KATNAL2: variants seen among roughly 807,000 people sequenced by gnomAD.
The protein encoded by KATNAL2 is katanin catalytic subunit A1 like 2, also known as katanin p60 ATPase-containing subunit A-like 2.
In KATNAL2, 52 loss-of-function variants were observed where a neutral mutation model predicts 76.3. The observed-to-expected ratio is 0.68, with a 90% confidence interval of 0.55 to 0.86. KATNAL2 has a LOEUF of 0.86. Ranked by LOEUF, KATNAL2 falls within the 40% of genes least tolerant of loss-of-function variation. The pLI, the probability that KATNAL2 is intolerant of heterozygous loss-of-function variation, is 0.00. For missense variants in KATNAL2, 660 were observed against 668.9 expected (o/e 0.99, Z 0.15); for synonymous variants, 243 against 244.2 (o/e 1.00, Z 0.05).
intron 3 of KATNAL2, among the ~76,000 whole-genome samples, chr18:46,958,094 T>C (rs2059819101): frequency 2.0e-5 from 3 of 152,130 alleles, no homozygotes; most frequent in Admixed American, 6.5e-5. Context: ...GAATTCCTAC[T>C]TTCTGACTGT....
At chr18:46,958,365 T>C in intron 3 of KATNAL2, among the ~76,000 whole-genome samples, 1 of 152,294 alleles carries the variant, frequency 6.6e-6, no homozygotes, top group East Asian at 1.9e-4. Context: ...TAATTATAAA[T>C]TCCCTATAAT....
At chr18:47,031,413 CTCTG>C (rs1225151219) in intron 3 of KATNAL2, among the ~76,000 whole-genome samples, 3 of 151,662 alleles carry the variant, frequency 2.0e-5, no homozygotes, top group South Asian at 2.1e-4. Context: ...TTTTGTGTCT[CTCTG>C]TCTTTCTTTT....
At chr18:46,955,504 G>A (rs1310661069) in intron 3 of KATNAL2, among the ~76,000 whole-genome samples, 9 of 151,556 alleles carry the variant, frequency 5.9e-5, no homozygotes. Flanking sequence ...AATTACAGGC[G>A]TTCTACCGCG....
intron 5 of KATNAL2, 61 bp downstream of exon 5, chr18:47,053,107 T>G: frequency 7.3e-7 from 1 of 1,378,510 alleles, no homozygotes; most frequent in Non-Finnish European, 9.8e-7. Context: ...TGTTTCTTTC[T>G]CATCTTATTC....
chr18:47,059,544 CTCTT>C lies in KATNAL2; in HGVS notation c.451-7_451-4del. On this transcript the variant is annotated splice_polypyrimidine_tract_variant and splice_region_variant and intron_variant, in intron 7 of 17. Transcript: ENST00000683218. Reference sequence around the variant, plus strand: ...GCTCACAGCCGATGTGTCCTTGTCTCTCTTTCTTCAGGAGGTAGTTGATAACACT... The same window carrying C: ...GCTCACAGCCGATGTGTCCTTGTCTCTCTTCAGGAGGTAGTTGATAACACT... 1.3e-6 allele frequency: 2 copies of C among 1,579,642 alleles called. No individual in the cohort carries two copies. Among genetic ancestry groups the C allele is most frequent in the Non-Finnish European group, 1.7e-6 (2 of 1,148,796 alleles).
chr18:47,076,839 G>A (rs555188553), intron 14 of KATNAL2, among the ~76,000 whole-genome samples: 178 of 148,166 alleles, frequency 1.2e-3, no homozygotes, highest in African/African-American at 3.9e-3. Context: ...AGAGAGAGAC[G>A]GTCTTCTCTC....
rs189997026 is a variant in KATNAL2, at chr18:46,929,919, C to T, written c.-510+11993C>T. On this transcript the variant is annotated intron_variant, in intron 1 of 17. Transcript: ENST00000683218. ...TCTCCCGAGTAGGTGGGATTACAGG[C>T]GCATGCCACCACGCCGGGCTAATTT... is the stretch of plus-strand genomic sequence containing the variant. 5.3e-5 allele frequency among the ~76,000 whole-genome samples: 8 copies of T among 152,056 alleles called. No homozygotes were observed. The East Asian group carries it at 5.8e-4, about 11-fold the overall frequency.
chr18:46,920,148 T>C, intron 1 of KATNAL2: 1 of 1,147,580 alleles, frequency 8.7e-7, no homozygotes, highest in Non-Finnish European at 1.2e-6. Flanking sequence ...TAGGTTTGAC[T>C]GCAAAGAGTT....
chr18:47,032,776 G>C (rs1203460554), intron 3 of KATNAL2: 2 of 721,484 alleles, frequency 2.8e-6, no homozygotes, highest in Non-Finnish European at 4.5e-6. Context: ...TGTTCCCAAT[G>C]CGTTCATATC....
In KATNAL2 at chr18:47,069,618, T is replaced by C. The variant is rs1458515411; in HGVS notation, c.1008+18T>C. On this transcript the variant is annotated intron_variant, in intron 13 of 17. Coordinates refer to ENST00000683218, the MANE Select transcript of KATNAL2 (RefSeq NM_001387690.1). ...TCGTTCGGGTAGGAATTCTTAATTTTGTTTTTAAAAATAAGTTCTAGTGTA... is the reference window on the plus strand; with the variant it reads ...TCGTTCGGGTAGGAATTCTTAATTTCGTTTTTAAAAATAAGTTCTAGTGTA... 5 of 1,556,994 alleles carry C rather than the reference T, an allele frequency of 3.2e-6. No individual in the cohort carries two copies. Among genetic ancestry groups the C allele is most frequent in the Non-Finnish European group, 3.5e-6 (4 of 1,131,154 alleles).
chr18:46,944,714 A>C (rs1009277900), intron 1 of KATNAL2, among the ~76,000 whole-genome samples: 2 of 152,212 alleles, frequency 1.3e-5, no homozygotes, highest in Non-Finnish European at 2.9e-5. Context: ...CAGGCTGAGC[A>C]ACAGAGCGAG....
intron 3 of KATNAL2, among the ~76,000 whole-genome samples, chr18:46,961,949 G>C (rs1191969406): frequency 6.6e-6 from 1 of 152,200 alleles, no homozygotes; most frequent in African/African-American, 2.4e-5. Flanking sequence ...CTACACACTT[G>C]AATTTCAGGG....
chr18:46,946,790 A>T, intron 2 of KATNAL2, 64 bp from the exon 3 acceptor site: 2 of 1,397,864 alleles, frequency 1.4e-6, no homozygotes, highest in South Asian at 1.2e-5. Context: ...CGGGCTGGTT[A>T]AGCGTCAGGT....
intron 3 of KATNAL2, among the ~76,000 whole-genome samples, chr18:47,044,859 A>C (rs1250471278): frequency 6.6e-6 from 1 of 152,180 alleles, no homozygotes; most frequent in Non-Finnish European, 1.5e-5. Flanking sequence ...CAAAGTAAGA[A>C]GATTGCTTGA....
At chr18:47,041,542 T>C (rs1321378948) in intron 3 of KATNAL2, among the ~76,000 whole-genome samples, 1 of 152,232 alleles carries the variant, frequency 6.6e-6, no homozygotes, top group Non-Finnish European at 1.5e-5. Context: ...GCTCATTTCT[T>C]TTAGCTCTGA....
At chr18:47,055,892 T>G (rs1461389004) in intron 6 of KATNAL2, among the ~76,000 whole-genome samples, 1 of 152,180 alleles carries the variant, frequency 6.6e-6, no homozygotes, top group Non-Finnish European at 1.5e-5. Flanking sequence ...AGTAGATGTT[T>G]GTATGTGGCA....
chr18:46,960,848 C>T (rs1031065737), intron 3 of KATNAL2, among the ~76,000 whole-genome samples: 3 of 152,156 alleles, frequency 2.0e-5, no homozygotes, highest in Non-Finnish European at 2.9e-5. Flanking sequence ...TGTAGAGGGA[C>T]GAGACGCGGA....
chr18:46,951,781 T>A (rs780461313), intron 3 of KATNAL2, among the ~76,000 whole-genome samples: 120 of 152,254 alleles, frequency 7.9e-4, no homozygotes, highest in Middle Eastern at 6.8e-3. Context: ...ATTACTTTTT[T>A]AATTAATTAA....
intron 4 of KATNAL2, 150 bp downstream of exon 4, chr18:47,046,677 T>C (rs2061167521): frequency 1.6e-6 from 1 of 640,992 alleles, no homozygotes; most frequent in Non-Finnish European, 2.7e-6. Flanking sequence ...GAGTTCTGTA[T>C]GCCCCTTCCC....
Sources: allele counts gnomAD v4.1 joint callset (sites outside exome capture counted in the v4.1 genomes callset), GRCh38; gene constraint gnomAD v4.1.1; transcripts MANE v1.5; gene names NCBI Gene and HGNC (gene_info 2026-07-23, HGNC 2026-07-21).